The following PLCL2 variants were observed in gnomAD, a reference collection of about 807,000 sequenced individuals.
PLCL2 encodes the protein phospholipase C like 2, also known as inactive phospholipase C-like protein 2.
A neutral mutation model predicts 79.6 loss-of-function variants in PLCL2; 4 were observed. The ratio of observed to expected loss-of-function variants is 0.05; its 90% CI spans 0.02 to 0.11. PLCL2 has a LOEUF of 0.11. Ranked by LOEUF, PLCL2 falls within the 10% of genes least tolerant of loss-of-function variation. The pLI, the probability that PLCL2 is intolerant of heterozygous loss-of-function variation, is 1.00. For missense variants in PLCL2, 895 were observed against 1,291.0 expected, an observed-to-expected ratio of 0.69 and a Z score of 4.70; for synonymous variants, 484 against 457.7, an observed-to-expected ratio of 1.06 and a Z score of -0.73.
chr3:16,927,720 G>C (rs888873710), intron 1 of PLCL2, among the ~76,000 whole-genome samples: 1 of 152,166 alleles, frequency 6.6e-6, no homozygotes, highest in African/African-American at 2.4e-5. Context: ...CTACCTGCCT[G>C]TTTCCCCCGC....
intron 1 of PLCL2, among the ~76,000 whole-genome samples, chr3:16,950,957 C>CT (rs2063645885): frequency 6.6e-6 from 1 of 151,886 alleles, no homozygotes; most frequent in Non-Finnish European, 1.5e-5. Context: ...CTATGGTTTT[C>CT]TTTTTTTGTT....
chr3:16,939,899 G>T (rs1168092931), intron 1 of PLCL2, among the ~76,000 whole-genome samples: 1 of 152,186 alleles, frequency 6.6e-6, no homozygotes, highest in Non-Finnish European at 1.5e-5. Context: ...TCCGGGCATT[G>T]GGGGAACAGA....
chr3:16,933,454 A>G (rs1697458060), intron 1 of PLCL2, among the ~76,000 whole-genome samples: 1 of 152,178 alleles, frequency 6.6e-6, no homozygotes, highest in Non-Finnish European at 1.5e-5. Context: ...CCAAACAGTA[A>G]AAGATTATAC....
At chr3:16,904,237 G>A (rs1029492059) in intron 1 of PLCL2, among the ~76,000 whole-genome samples, 7 of 149,584 alleles carry the variant, frequency 4.7e-5, no homozygotes, top group Non-Finnish European at 1.0e-4. Flanking sequence ...TTGACTGCCC[G>A]CACAGTTGTC....
intron 4 of PLCL2, among the ~76,000 whole-genome samples, chr3:17,063,252 CCCTT>C (rs1442130853): frequency 6.1e-3 from 25 of 4,070 alleles, no homozygotes; most frequent in Non-Finnish European, 8.7e-3. Flanking sequence ...CTGCCTTCCT[CCCTT>C]CCTCCCTTCC....
At chr3:16,981,125 GGAAAGAGA>G (rs2063992095) in intron 1 of PLCL2, among the ~76,000 whole-genome samples, 3 of 147,762 alleles carry the variant, frequency 2.0e-5, no homozygotes, top group Admixed American at 6.7e-5. Context: ...GGGAGACCGT[GGAAAGAGA>G]GGGAGAGGGA....
intron 1 of PLCL2, among the ~76,000 whole-genome samples, chr3:16,896,880 G>C (rs1468516646): frequency 6.6e-6 from 1 of 152,178 alleles, no homozygotes; most frequent in Non-Finnish European, 1.5e-5. Flanking sequence ...ATACTAATGT[G>C]AAGACCCCAC....
At chr3:16,969,754 G>A (rs2063839799) in intron 1 of PLCL2, among the ~76,000 whole-genome samples, 1 of 151,844 alleles carries the variant, frequency 6.6e-6, no homozygotes, top group Non-Finnish European at 1.5e-5. Flanking sequence ...GTTCAGCTCT[G>A]ATTTTGGTTC....
intron 3 of PLCL2, among the ~76,000 whole-genome samples, chr3:17,021,630 A>C (rs77474757): frequency 3.8e-4 from 53 of 137,902 alleles, no homozygotes; most frequent in African/African-American, 1.2e-3. Flanking sequence ...ACACACACAC[A>C]CCCCAGATAC....
At chr3:17,012,574 GA>G (rs1559519009) in intron 2 of PLCL2, among the ~76,000 whole-genome samples, 1 of 152,136 alleles carries the variant, frequency 6.6e-6, no homozygotes, top group African/African-American at 2.4e-5. Flanking sequence ...CCTTTCTTAC[GA>G]AGCTGTAATG....
At chr3:17,057,066 G>C (rs1453944280) in intron 4 of PLCL2, among the ~76,000 whole-genome samples, 1 of 152,164 alleles carries the variant, frequency 6.6e-6, no homozygotes, top group African/African-American at 2.4e-5. Context: ...TACAGGCTGG[G>C]CCCAATTATG....
intron 4 of PLCL2, among the ~76,000 whole-genome samples, chr3:17,053,525 T>A (rs2064862968): frequency 1.3e-5 from 2 of 152,168 alleles, no homozygotes; most frequent in Non-Finnish European, 2.9e-5. Context: ...AGATCTCATG[T>A]CCTTCTCACA....
intron 1 of PLCL2, among the ~76,000 whole-genome samples, chr3:17,005,231 A>G (rs141769567): frequency 6.6e-6 from 1 of 152,314 alleles, no homozygotes; most frequent in Non-Finnish European, 1.5e-5. Context: ...CAGGGCATTA[A>G]CTATCTGTGT....
chr3:17,012,208 A>G (rs1435369100), intron 2 of PLCL2, 48 bp downstream of exon 2: 1 of 1,516,816 alleles, frequency 6.6e-7, no homozygotes, highest in East Asian at 2.3e-5. Flanking sequence ...CCTACTTTGT[A>G]CATGTCCATA....
Position 17,089,862 on chromosome 3 carries a change from C to A in PLCL2, c.3334C>A (p.Arg1112=). The A allele has an allele frequency of 6.2e-7, 1 of 1,613,776 alleles. No homozygotes were observed. The highest frequency in any genetic ancestry group is 8.5e-7 in the Non-Finnish European group (1 of 1,179,874). The part of the protein sequence containing the change: ...TENADVQKPR[R]SLEVIPEKAN... ...AAATGCTGATGTCCAGAAGCCACGC[C>A]GGAGCTTGGAAGTCATACCCGAAAA... Residue 1112 remains arginine, a synonymous_variant, in exon 6 of 6, where the codon CGG becomes AGG. Coordinates refer to ENST00000615277, the MANE Select transcript of PLCL2 (RefSeq NM_001144382.2).
chr3:17,053,653 G>A (rs1177502498), intron 4 of PLCL2, among the ~76,000 whole-genome samples: 1 of 152,180 alleles, frequency 6.6e-6, no homozygotes, highest in Non-Finnish European at 1.5e-5. Flanking sequence ...CTATAAGCCT[G>A]TAAAATCAGA....
chr3:16,989,109 T>G (rs2064079766), intron 1 of PLCL2, among the ~76,000 whole-genome samples: 1 of 152,120 alleles, frequency 6.6e-6, no homozygotes, highest in South Asian at 2.1e-4. Context: ...ACTGGGATTT[T>G]TAGCAATTAT....
chr3:17,090,027 C>CTGGAATTGGGCCGCA lies in PLCL2; in HGVS notation c.*121_*122insTGGGCCGCATGGAAT. ...TAATATTCGGGATTTTAAAGCACAA[C>CTGGAATTGGGCCGCA]TGGAATAGCTAATTACAGTCTATTA... On this transcript the variant is annotated 3_prime_UTR_variant, in exon 6 of 6. Transcript: ENST00000615277. 7.0e-7 allele frequency: 1 copy of CTGGAATTGGGCCGCA among 1,423,676 alleles called. No homozygotes were observed. Among genetic ancestry groups the CTGGAATTGGGCCGCA allele is most frequent in the Non-Finnish European group, 9.2e-7 (1 of 1,084,878 alleles). 88.2% of individuals were successfully genotyped at this position (1,423,676 alleles called of 1,614,324 possible).
At chr3:17,051,815 A>G (rs1302593126) in intron 4 of PLCL2, among the ~76,000 whole-genome samples, 1 of 152,228 alleles carries the variant, frequency 6.6e-6, no homozygotes, top group Non-Finnish European at 1.5e-5. Context: ...GAAGTCAGGA[A>G]GTACCTTGCC....
Sources: allele counts gnomAD v4.1 joint callset (sites outside exome capture counted in the v4.1 genomes callset), GRCh38; gene constraint gnomAD v4.1.1; transcripts MANE v1.5; gene names NCBI Gene and HGNC (gene_info 2026-07-23, HGNC 2026-07-21).